USH2A: variants seen among roughly 807,000 people sequenced by gnomAD.
USH2A encodes the protein usherin, also known as Usher syndrome 2A (autosomal recessive, mild).
In USH2A, 443 loss-of-function variants were observed where a neutral mutation model predicts 538.9. That is an observed-to-expected ratio of 0.82 (90% CI 0.76 to 0.89). The LOEUF (loss-of-function observed/expected upper bound fraction) is 0.89, where lower values mean the gene tolerates loss of function less well. USH2A is among the 40% of genes least tolerant of loss of function. The pLI is 0.00. For synonymous variants in USH2A, 2,413 were observed against 2,273.5 expected (o/e 1.06, Z -1.75); for missense variants, 6,633 against 6,324.8 (o/e 1.05, Z -1.65).
At chr1:216,407,662 T>C (rs967697472) in intron 3 of USH2A, among the ~76,000 whole-genome samples, 5 of 152,168 alleles carry the variant, frequency 3.3e-5, no homozygotes, top group East Asian at 1.9e-4. Flanking sequence ...CTAGGTTATA[T>C]GCACACTGTT....
At chr1:215,648,480 T>C (rs775609664) in intron 66 of USH2A, 48 bp downstream of exon 66, 22 of 1,588,544 alleles carry the variant, frequency 1.4e-5, no homozygotes, top group Non-Finnish European at 1.6e-5. Flanking sequence ...TTCATATGTC[T>C]GTACACATGC....
At chr1:215,996,480 A>T (rs2057597) in intron 34 of USH2A, among the ~76,000 whole-genome samples, 112,055 of 150,844 alleles carry the variant, frequency 0.74, 41,918 homozygotes, top group East Asian at 0.95. Context: ...TTTATTTTTA[A>T]CATATTGTCT....
rs548176881 is a variant in USH2A, at chr1:215,953,290, G to A, written c.7120+12027C>T. ...CTAAGCCAAAAGAACAAAGCTGGAG[G>A]CATCACGCTACCTGACTTCAAACTA... On this transcript the variant is annotated intron_variant, in intron 37 of 71. Transcript: ENST00000307340. Among the ~76,000 whole-genome samples the A allele has an allele frequency of 2.6e-5, 4 of 152,272 alleles. No individual in the cohort carries two copies. The South Asian group carries it at 6.2e-4, about 24-fold the overall frequency.
chr1:216,116,964 AAAGG>A (rs1483181033), intron 21 of USH2A, among the ~76,000 whole-genome samples: 9 of 152,130 alleles, frequency 5.9e-5, no homozygotes, highest in African/African-American at 1.9e-4. Context: ...CAGAGAAAGG[AAAGG>A]AAGGGGGTGC....
chr1:216,074,296 C>T (rs935389930), intron 27 of USH2A, among the ~76,000 whole-genome samples: 2 of 150,776 alleles, frequency 1.3e-5, no homozygotes, highest in African/African-American at 2.4e-5. Flanking sequence ...CAAACAGGAC[C>T]GAGTTTGAGA....
chr1:216,289,185 C>T (rs2036947679), intron 11 of USH2A, 95 bp downstream of exon 11: 2 of 1,575,624 alleles, frequency 1.3e-6, no homozygotes, highest in East Asian at 4.5e-5. Context: ...GATTTCCTGG[C>T]AAATGCAGTC....
chr1:215,914,969 T>C (rs1466964346), intron 38 of USH2A, among the ~76,000 whole-genome samples: 5 of 152,176 alleles, frequency 3.3e-5, no homozygotes, highest in African/African-American at 1.2e-4. Context: ...AACATCTTGA[T>C]ATTCATTTGT....
In USH2A at chr1:215,889,061, A is replaced by G; in HGVS notation, c.7595-7T>C. On this transcript the variant is annotated splice_polypyrimidine_tract_variant and splice_region_variant and intron_variant, in intron 40 of 71. Transcript: ENST00000307340. ...GGAACTACAGGTCCAGGTTCTGTAA[A>G]GTAAAATAAATCCAGAAAGTCAGAC... The G allele has an allele frequency of 1.2e-6, 2 of 1,613,186 alleles. No individual in the cohort carries two copies. The highest frequency in any genetic ancestry group is 1.7e-6 in the Non-Finnish European group (2 of 1,180,006).
intron 22 of USH2A, 107 bp from the exon 23 acceptor site, chr1:216,089,246 A>T: frequency 8.3e-7 from 1 of 1,206,692 alleles, no homozygotes; most frequent in Non-Finnish European, 1.2e-6. Context: ...TATGATCCTG[A>T]TACAAGCATG....
At chr1:216,336,327 C>T (rs957432798) in intron 4 of USH2A, among the ~76,000 whole-genome samples, 1 of 151,194 alleles carries the variant, frequency 6.6e-6, no homozygotes, top group Non-Finnish European at 1.5e-5. Context: ...AATGCTTTTT[C>T]CCTAAGATCA....
At chr1:216,125,540 C>A (rs886588257) in intron 21 of USH2A, among the ~76,000 whole-genome samples, 1 of 152,230 alleles carries the variant, frequency 6.6e-6, no homozygotes, top group African/African-American at 2.4e-5. Flanking sequence ...GAGCTTTAAA[C>A]ATCAATTTTG....
chr1:215,769,433 T>C (rs967626409), intron 55 of USH2A, among the ~76,000 whole-genome samples: 7 of 152,224 alleles, frequency 4.6e-5, no homozygotes, highest in African/African-American at 1.7e-4. Flanking sequence ...AAAGGAAAAT[T>C]AATGTATATA....
At chr1:216,201,313 T>C (rs887482504) in intron 16 of USH2A, among the ~76,000 whole-genome samples, 5 of 149,430 alleles carry the variant, frequency 3.3e-5, no homozygotes, top group Middle Eastern at 3.2e-3. Flanking sequence ...TTTTTTCTTT[T>C]TTTTTTTTTT....
At chr1:216,404,380 T>A (rs1241255330) in intron 3 of USH2A, among the ~76,000 whole-genome samples, 3 of 151,746 alleles carry the variant, frequency 2.0e-5, no homozygotes, top group Non-Finnish European at 4.4e-5. Flanking sequence ...GTAGAAGGAG[T>A]CGCTCTACTA....
At chr1:215,692,850 G>A (rs1252829251) in intron 61 of USH2A, among the ~76,000 whole-genome samples, 1 of 151,920 alleles carries the variant, frequency 6.6e-6, no homozygotes, top group East Asian at 1.9e-4. Context: ...TGCCCCAGTT[G>A]TTTAGTTCTC....
At chr1:216,416,797 T>A (rs1488646640) in intron 3 of USH2A, among the ~76,000 whole-genome samples, 1 of 139,252 alleles carries the variant, frequency 7.2e-6, no homozygotes, top group African/African-American at 2.8e-5. Flanking sequence ...GTTTCACAGA[T>A]AACACAAAAT....
intron 21 of USH2A, among the ~76,000 whole-genome samples, chr1:216,154,626 G>A (rs904745288): frequency 1.3e-5 from 2 of 152,202 alleles, no homozygotes; most frequent in African/African-American, 2.4e-5. Context: ...CCACTACCTT[G>A]ATTGTTACAC....
intron 35 of USH2A, among the ~76,000 whole-genome samples, chr1:215,984,832 A>C (rs2102469804): frequency 6.6e-6 from 1 of 152,328 alleles, no homozygotes; most frequent in South Asian, 2.1e-4. Context: ...ATATGAACTG[A>C]GGGCTCCCCT....
intron 37 of USH2A, among the ~76,000 whole-genome samples, chr1:215,952,210 T>G (rs1427611083): frequency 6.6e-6 from 1 of 152,208 alleles, no homozygotes; most frequent in African/African-American, 2.4e-5. Flanking sequence ...AACCCCTGAC[T>G]TTTTTAGTTT....
Sources: gnomAD v4.1 joint callset for allele counts (sites outside exome capture counted in the v4.1 genomes callset) on GRCh38, gnomAD v4.1.1 for gene constraint, MANE v1.5 for transcripts, NCBI Gene and HGNC (gene_info 2026-07-23, HGNC 2026-07-21) for gene names.